CFAP206: variants seen among roughly 807,000 people sequenced by gnomAD.
CFAP206 encodes the protein cilia- and flagella-associated protein 206.
Under a neutral mutation model 65.4 loss-of-function variants are expected in CFAP206, and 53 were observed. The ratio of observed to expected loss-of-function variants is 0.81; its 90% CI spans 0.65 to 1.02. CFAP206 has a LOEUF of 1.02. CFAP206 is among the 50% of genes least tolerant of loss of function. The probability of loss-of-function intolerance (pLI) is 0.00; values close to 1 mark genes in which losing one functional copy is unlikely to be tolerated. For synonymous variants in CFAP206, 250 were observed against 254.4 expected, an observed-to-expected ratio of 0.98 and a Z score of 0.17; for missense variants, 663 against 753.2, an observed-to-expected ratio of 0.88 and a Z score of 1.40.
At chr6:87,409,995 A>C in intron 2 of CFAP206, 48 bp downstream of exon 2, 1 of 1,286,994 alleles carries the variant, frequency 7.8e-7, no homozygotes, top group Non-Finnish European at 1.1e-6. Context: ...GAGGTTTTTT[A>C]AGATGTGGTG....
rs551641094 is a variant in CFAP206, at chr6:87,448,845, T to A, written c.1495-12177T>A. 1.8e-3 allele frequency among the ~76,000 whole-genome samples: 278 copies of A among 152,298 alleles called. 2 individuals are homozygous for A. The highest frequency in any genetic ancestry group is 6.3e-3 in the African/African-American group (260 of 41,578). ...TGCTGTAAATGACAGGATTTCATTC[T>A]TTTTTATGGTTGAATGATATTCTAT... On this transcript the variant is annotated intron_variant, in intron 11 of 12. Coordinates refer to ENST00000369562, the MANE Select transcript of CFAP206 (RefSeq NM_001031743.3).
intron 7 of CFAP206, among the ~76,000 whole-genome samples, chr6:87,420,317 ACT>A (rs1767916661): frequency 6.6e-6 from 1 of 152,218 alleles, no homozygotes; most frequent in Admixed American, 6.5e-5. Context: ...CTGTCACACA[ACT>A]GTAAGGATGT....
chr6:87,413,735 T>TG, intron 3 of CFAP206, 75 bp from the exon 4 acceptor site: 1 of 901,464 alleles, frequency 1.1e-6, no homozygotes, highest in South Asian at 1.7e-5. Flanking sequence ...CCTTTATTTT[T>TG]GAAAATAACT....
At position 87,460,356 on chromosome 6, in the gene CFAP206, C is replaced by T. The variant is rs1440210822; in HGVS notation, c.1495-666C>T. Among the ~76,000 whole-genome samples the T allele has an allele frequency of 3.3e-5, 5 of 152,140 alleles. No individual in the cohort carries two copies. The East Asian group carries it at 9.6e-4, about 29-fold the overall frequency. ...TGCATAGCTTGAGTTCAACATATGTCTTAAAGAGGTTTTGATAGTTCAAAT... is the reference window on the plus strand; with the variant it reads ...TGCATAGCTTGAGTTCAACATATGTTTTAAAGAGGTTTTGATAGTTCAAAT... On this transcript the variant is annotated intron_variant, in intron 11 of 12. Transcript: ENST00000369562.
chr6:87,421,803 C>T (rs1671647507), intron 7 of CFAP206, among the ~76,000 whole-genome samples: 4 of 152,174 alleles, frequency 2.6e-5, no homozygotes. Flanking sequence ...TTTTGCAGGG[C>T]CCATTCACAG....
At chr6:87,432,641 C>A (rs146285559) in intron 10 of CFAP206, among the ~76,000 whole-genome samples, 60 of 152,266 alleles carry the variant, frequency 3.9e-4, no homozygotes, top group African/African-American at 1.3e-3. Flanking sequence ...TTTATGAAAT[C>A]TCACACCTTC....
intron 11 of CFAP206, among the ~76,000 whole-genome samples, chr6:87,454,323 A>G (rs1192753225): frequency 6.6e-6 from 1 of 152,210 alleles, no homozygotes; most frequent in Non-Finnish European, 1.5e-5. Flanking sequence ...CATTGGATAT[A>G]TCTTCCGGAC....
intron 11 of CFAP206, among the ~76,000 whole-genome samples, chr6:87,452,669 T>C (rs1768565841): frequency 6.6e-6 from 1 of 151,994 alleles, no homozygotes; most frequent in African/African-American, 2.4e-5. Flanking sequence ...AAATTCTGGA[T>C]CTGAAAAATC....
intron 3 of CFAP206, among the ~76,000 whole-genome samples, chr6:87,411,935 G>A (rs1767741804): frequency 6.6e-6 from 1 of 152,216 alleles, no homozygotes; most frequent in Non-Finnish European, 1.5e-5. Flanking sequence ...AGGATGCAGA[G>A]AAAAGATGGT....
At chr6:87,415,661 G>T in intron 4 of CFAP206, 25 bp from the exon 5 acceptor site, 1 of 1,589,962 alleles carries the variant, frequency 6.3e-7, no homozygotes, top group South Asian at 1.1e-5. Context: ...TAAATATATA[G>T]AACATTGTTA....
At chr6:87,425,398 T>C (rs962484321) in intron 7 of CFAP206, among the ~76,000 whole-genome samples, 1 of 152,210 alleles carries the variant, frequency 6.6e-6, no homozygotes, top group Non-Finnish European at 1.5e-5. Flanking sequence ...GTCTTAGTTA[T>C]CATAAAGTCA....
intron 11 of CFAP206, among the ~76,000 whole-genome samples, chr6:87,455,640 G>A (rs756309292): frequency 7.2e-5 from 11 of 152,068 alleles, no homozygotes; most frequent in Non-Finnish European, 1.6e-4. Flanking sequence ...AGGAAAACAT[G>A]AGAGAAGACC....
intron 11 of CFAP206, among the ~76,000 whole-genome samples, chr6:87,454,854 A>C (rs1018285522): frequency 4.0e-5 from 6 of 150,648 alleles, no homozygotes; most frequent in Admixed American, 6.6e-5. Context: ...CAAAAAAAAA[A>C]AAAAACAAAA....
intron 11 of CFAP206, chr6:87,435,834 A>T (rs1356604659): frequency 1.3e-5 from 2 of 151,948 alleles, no homozygotes; most frequent in African/African-American, 4.8e-5. Flanking sequence ...TAATTTTTTT[A>T]AAAAACTTTT....
intron 11 of CFAP206, among the ~76,000 whole-genome samples, chr6:87,449,595 A>G (rs1037491315): frequency 2.6e-5 from 4 of 152,134 alleles, no homozygotes; most frequent in Non-Finnish European, 4.4e-5. Flanking sequence ...ATTTTCTTAC[A>G]TACCTGTTGG....
intron 3 of CFAP206, 101 bp downstream of exon 3, chr6:87,410,769 C>T: frequency 1.1e-6 from 1 of 923,394 alleles, no homozygotes; most frequent in Non-Finnish European, 1.7e-6. Flanking sequence ...GAAACAAAAG[C>T]CCACAAAATA....
chr6:87,444,738 G>A (rs183175173), intron 11 of CFAP206: 2 of 429,352 alleles, frequency 4.7e-6, no homozygotes, highest in Non-Finnish European at 4.5e-6. Flanking sequence ...ACTCTTCATG[G>A]TTTTGCTCAT....
intron 10 of CFAP206, among the ~76,000 whole-genome samples, chr6:87,432,102 G>A (rs1768169410): frequency 6.6e-6 from 1 of 152,104 alleles, no homozygotes. Flanking sequence ...AGTGTGACAA[G>A]ATTGTGTCTT....
At position 87,464,032 on chromosome 6, in the gene CFAP206, C is replaced by CTAA; in HGVS notation, c.1651_1652insTAA (p.Gln551delinsLeuLys). The stretch of plus-strand genomic sequence containing the variant: ...TCTTTCTCTTTAGGCTAATTTGCGC[C>CTAA]AGAAAGTTACTCACTCAGTACAAAC... On this transcript the variant is annotated protein_altering_variant, in exon 13 of 13. Coordinates refer to ENST00000369562, the MANE Select transcript of CFAP206 (RefSeq NM_001031743.3). 6.2e-7 allele frequency: 1 copy of CTAA among 1,608,938 alleles called. No individual in the cohort carries two copies. Among genetic ancestry groups the CTAA allele is most frequent in the South Asian group, 1.1e-5 (1 of 90,400 alleles).
Sources: gnomAD v4.1 joint callset for allele counts (sites outside exome capture counted in the v4.1 genomes callset) on GRCh38, gnomAD v4.1.1 for gene constraint, MANE v1.5 for transcripts, NCBI Gene and HGNC (gene_info 2026-07-23, HGNC 2026-07-21) for gene names.